IGFL2: variants seen among roughly 807,000 people sequenced by gnomAD.
The protein encoded by IGFL2 is IGF like family member 2.
A neutral mutation model predicts 13.9 loss-of-function variants in IGFL2; 7 were observed. That is an observed-to-expected ratio of 0.51 (90% CI 0.29 to 0.95). The LOEUF (loss-of-function observed/expected upper bound fraction) is 0.95. IGFL2 is among the 40% of genes least tolerant of loss of function. IGFL2 has a pLI of 0.08. For synonymous variants in IGFL2, 55 were observed against 55.8 expected (o/e 0.99, Z 0.07); for missense variants, 138 against 147.8 (o/e 0.93, Z 0.34).
chr19:46,119,274 C>A, the IGFL2 span, among the ~76,000 whole-genome samples: 1 of 152,174 alleles, frequency 6.6e-6, no homozygotes. Flanking sequence ...GACAAGCCTG[C>A]CAACTGATCG....
chr19:46,186,674 C>T, the IGFL2 span, among the ~76,000 whole-genome samples: 1 of 152,202 alleles, frequency 6.6e-6, no homozygotes, highest in Non-Finnish European at 1.5e-5. Flanking sequence ...GAAGATATTA[C>T]AAGAAGGAAG....
chr19:46,161,601 T>G (rs2146894146), downstream of IGFL2, among the ~76,000 whole-genome samples: 1 of 152,330 alleles, frequency 6.6e-6, no homozygotes, highest in Admixed American at 6.5e-5. Flanking sequence ...TTTATCTTCA[T>G]TGGTTTAATG....
the IGFL2 span, among the ~76,000 whole-genome samples, chr19:46,098,057 T>G: frequency 2.6e-5 from 4 of 152,234 alleles, no homozygotes; most frequent in Non-Finnish European, 5.9e-5. Flanking sequence ...CTGAATACCC[T>G]TGTTAATTTA....
the IGFL2 span, chr19:46,111,522 C>T: frequency 6.6e-6 from 1 of 152,230 alleles, no homozygotes; most frequent in African/African-American, 2.4e-5. Flanking sequence ...ACCCACACCG[C>T]TCTGTGAGCA....
the IGFL2 span, among the ~76,000 whole-genome samples, chr19:46,194,856 T>TA: frequency 2.9e-5 from 1 of 34,356 alleles, no homozygotes; most frequent in Admixed American, 2.5e-4. Context: ...ATATATATTT[T>TA]TTTTTTTTTT....
At chr19:46,185,849 C>T in the IGFL2 span, among the ~76,000 whole-genome samples, 32 of 152,148 alleles carry the variant, frequency 2.1e-4, no homozygotes, top group Admixed American at 1.1e-3. Flanking sequence ...CACCTCGCAC[C>T]CCGGCCTCCC....
the IGFL2 span, among the ~76,000 whole-genome samples, chr19:46,175,167 G>A: frequency 1.3e-5 from 2 of 151,904 alleles, no homozygotes; most frequent in African/African-American, 4.8e-5. Context: ...AACACTTATC[G>A]AGCACATAAT....
the IGFL2 span, chr19:46,137,272 G>A: frequency 8.2e-7 from 1 of 1,215,782 alleles, no homozygotes. Context: ...TTCTCAGCAT[G>A]TCAGGATGCG....
chr19:46,194,743 A>C, the IGFL2 span, among the ~76,000 whole-genome samples: 1 of 148,832 alleles, frequency 6.7e-6, no homozygotes, highest in African/African-American at 2.5e-5. Flanking sequence ...AATCACTTGA[A>C]CCCCGGGAAG....
chr19:46,153,839 A>ATATATATATATT (rs1198396702), intron 1 of IGFL2, among the ~76,000 whole-genome samples: 2 of 139,366 alleles, frequency 1.4e-5, no homozygotes, highest in African/African-American at 5.4e-5. Context: ...ATATATATAT[A>ATATATATATATT]TTTTTTTTAC....
At chr19:46,150,961 C>T (rs958058807) in intron 1 of IGFL2, among the ~76,000 whole-genome samples, 3 of 152,218 alleles carry the variant, frequency 2.0e-5, no homozygotes, top group Admixed American at 2.0e-4. Flanking sequence ...CCATCACGTC[C>T]AGCCCACAAT....
At chr19:46,185,763 G>A in the IGFL2 span, among the ~76,000 whole-genome samples, 1 of 152,160 alleles carries the variant, frequency 6.6e-6, no homozygotes, top group East Asian at 1.9e-4. Flanking sequence ...GTTTATTGTT[G>A]TTATAACCTT....
At chr19:46,106,309 A>G in the IGFL2 span, among the ~76,000 whole-genome samples, 5 of 152,180 alleles carry the variant, frequency 3.3e-5, no homozygotes, top group South Asian at 2.1e-4. Context: ...AGGGTGGGCT[A>G]TAAAGGAGAA....
At chr19:46,085,461 C>G in the IGFL2 span, among the ~76,000 whole-genome samples, 1 of 152,166 alleles carries the variant, frequency 6.6e-6, no homozygotes, top group South Asian at 2.1e-4. Flanking sequence ...GCAACCCCTG[C>G]TCTTTTTTGT....
upstream of IGFL2, chr19:46,148,123 T>C (rs1973237382): frequency 3.3e-6 from 2 of 612,468 alleles, no homozygotes; most frequent in South Asian, 2.1e-5. Context: ...TTTTTTCTTA[T>C]GCTTTCTGTG....
chr19:46,082,936 G>A, the IGFL2 span, among the ~76,000 whole-genome samples: 1 of 152,200 alleles, frequency 6.6e-6, no homozygotes, highest in South Asian at 2.1e-4. Context: ...ACATAACCAT[G>A]GGTGACATCT....
At chr19:46,149,399 C>CTCCTTCCTTCTCT (rs1973348766) in intron 1 of IGFL2, among the ~76,000 whole-genome samples, 1 of 147,734 alleles carries the variant, frequency 6.8e-6, no homozygotes, top group African/African-American at 2.5e-5. Context: ...TTTCCCTCCT[C>CTCCTTCCTTCTCT]TCCTTCCTTC....
chr19:46,098,950 T>C, the IGFL2 span, among the ~76,000 whole-genome samples: 4 of 152,238 alleles, frequency 2.6e-5, no homozygotes, highest in Non-Finnish European at 4.4e-5. Context: ...GTCTTTGCAG[T>C]GGCTGATAGT....
upstream of IGFL2, among the ~76,000 whole-genome samples, chr19:46,145,198 GT>G (rs1285934395): frequency 6.6e-6 from 1 of 152,012 alleles, no homozygotes; most frequent in Non-Finnish European, 1.5e-5. Context: ...CAGCCAAAAT[GT>G]TTTTCGGGGT....
Sources: gnomAD v4.1 joint callset for allele counts (sites outside exome capture counted in the v4.1 genomes callset) on GRCh38, gnomAD v4.1.1 for gene constraint, MANE v1.5 for transcripts, NCBI Gene and HGNC (gene_info 2026-07-23, HGNC 2026-07-21) for gene names.